Variants in FANCA observed in about 807,000 individuals in gnomAD.
FANCA encodes the protein Fanconi anemia group A protein.
FANCA carries 236 observed loss-of-function variants against 194.3 expected under a neutral mutation model. The observed-to-expected ratio is 1.21, with a 90% CI of 1.09 to 1.35. The LOEUF is 1.35. Ranked by LOEUF, FANCA falls within the 40% of genes most tolerant of loss-of-function variation. The pLI is 0.00. For missense variants in FANCA, 2,628 were observed against 1,813.9 expected (o/e 1.45, Z -8.15); for synonymous variants, 1,014 against 715.8 (o/e 1.42, Z -6.65).
intron 30 of FANCA, among the ~76,000 whole-genome samples, chr16:89,757,147 T>C (rs1382636050): frequency 6.6e-6 from 1 of 152,144 alleles, no homozygotes; most frequent in East Asian, 1.9e-4. Flanking sequence ...GGCTAATTTT[T>C]TTTTTTGTCT....
intron 36 of FANCA, among the ~76,000 whole-genome samples, chr16:89,743,837 C>G (rs2062187393): frequency 6.6e-6 from 1 of 152,020 alleles, no homozygotes; most frequent in Non-Finnish European, 1.5e-5. Context: ...CAAAACAAAA[C>G]AAAAAACAAA....
chr16:89,769,365 C>A (rs2039241867), intron 26 of FANCA, among the ~76,000 whole-genome samples: 1 of 152,190 alleles, frequency 6.6e-6, no homozygotes. Flanking sequence ...AGGCACTGAG[C>A]AGACCATTCT....
intron 30 of FANCA, among the ~76,000 whole-genome samples, chr16:89,754,319 G>C (rs2038701450): frequency 6.6e-6 from 1 of 151,932 alleles, no homozygotes; most frequent in Non-Finnish European, 1.5e-5. Context: ...AAAGCATCCA[G>C]ATAGGAAAGG....
intron 14 of FANCA, among the ~76,000 whole-genome samples, chr16:89,788,596 A>C (rs773415247): frequency 2.2e-4 from 33 of 152,214 alleles, no homozygotes; most frequent in Non-Finnish European, 4.0e-4. Context: ...CAGGAATCTG[A>C]GACCAGCCTG....
intron 20 of FANCA, chr16:89,778,464 T>TAAAA (rs56664732): frequency 4.8e-4 from 98 of 203,204 alleles, no homozygotes; most frequent in Middle Eastern, 2.0e-3. Context: ...AGACTCCATC[T>TAAAA]AAAAAAAAAA....
chr16:89,744,675 T>TTTGTTTTTTTTC, intron 36 of FANCA: 1 of 438,806 alleles, frequency 2.3e-6, no homozygotes, highest in Non-Finnish European at 4.2e-6. Flanking sequence ...GTTTTTTTTT[T>TTTGTTTTTTTTC]TGTTTTTTTT....
intron 31 of FANCA, among the ~76,000 whole-genome samples, chr16:89,750,344 A>G (rs550386465): frequency 2.0e-5 from 3 of 152,178 alleles, no homozygotes; most frequent in South Asian, 4.2e-4. Context: ...TTAGCTGGGC[A>G]TGGTGGCGGG....
At position 89,782,994 on chromosome 16, in the gene FANCA, A is replaced by T; in HGVS notation, c.1566+13T>A. 6.2e-7 allele frequency: 1 copy of T among 1,613,322 alleles called. No individual in the cohort carries two copies. On this transcript the variant is annotated intron_variant, in intron 16 of 42. Coordinates refer to ENST00000389301, the MANE Select transcript of FANCA (RefSeq NM_000135.4). ...GGACAGGTGTGAGGAGTGGGCATGG[A>T]GGGACAGCTTGCCTTGAGGTCGGCC...
Position 89,752,207 on chromosome 16 carries a change from G to A in FANCA, c.2997C>T (p.Asp999=), listed in dbSNP as rs1393198725. Residue 999 remains aspartate, a synonymous_variant, in exon 31 of 43, where the codon GAC becomes GAT. Coordinates refer to ENST00000389301, the MANE Select transcript of FANCA (RefSeq NM_000135.4). ...AGACCAAATCAGAATTTTCTGAGTGGTCATAACTCCTTGAGCTGAAATGAA... is the reference window on the plus strand; with the variant it reads ...AGACCAAATCAGAATTTTCTGAGTGATCATAACTCCTTGAGCTGAAATGAA... ...MDFHQSSRSY[D]HSENSDLVFG... 12 of 1,613,808 alleles carry A rather than the reference G, an allele frequency of 7.4e-6. No homozygotes were observed. Among genetic ancestry groups the A allele is most frequent in the South Asian group, 1.1e-5 (1 of 91,074 alleles).
chr16:89,744,241 G>T (rs931049162), intron 36 of FANCA, among the ~76,000 whole-genome samples: 1 of 152,200 alleles, frequency 6.6e-6, no homozygotes, highest in African/African-American at 2.4e-5. Flanking sequence ...ACCCTGAGGG[G>T]ACCCGGTGTG....
At chr16:89,812,203 G>T (rs1229242799) in intron 3 of FANCA, among the ~76,000 whole-genome samples, 1 of 151,744 alleles carries the variant, frequency 6.6e-6, no homozygotes, top group African/African-American at 2.4e-5. Context: ...GCCAGGTTTG[G>T]TGACGGGAGC....
chr16:89,816,627 C>CT lies in FANCA; in HGVS notation c.-13dup. Reference sequence around the variant, plus strand: ...CACGAGTCGGACATGGCCTTGGCGCCTACAGCCCCGGCGGCGGCTCCCTGC... The same window carrying CT: ...CACGAGTCGGACATGGCCTTGGCGCCTTACAGCCCCGGCGGCGGCTCCCTGC... On this transcript the variant is annotated 5_prime_UTR_variant, in exon 1 of 43. Transcript: ENST00000389301. The CT allele has an allele frequency of 6.6e-7, 1 of 1,519,924 alleles. No homozygotes were observed. Among genetic ancestry groups the CT allele is most frequent in the East Asian group, 2.6e-5 (1 of 38,920 alleles). 94.2% of individuals were successfully genotyped at this position (1,519,924 alleles called of 1,614,324 possible).
intron 18 of FANCA, 28 bp downstream of exon 18, chr16:89,779,841 T>C: frequency 1.2e-6 from 2 of 1,600,674 alleles, no homozygotes; most frequent in South Asian, 2.2e-5. Flanking sequence ...CTGCAGCTGC[T>C]AGAGGCCTTT....
intron 36 of FANCA, among the ~76,000 whole-genome samples, chr16:89,743,668 A>G (rs1266468066): frequency 6.6e-6 from 1 of 152,016 alleles, no homozygotes; most frequent in Non-Finnish European, 1.5e-5. Flanking sequence ...TACTAAAAAT[A>G]CAAAATTAGC....
chr16:89,779,144 G>C (rs983542327), intron 18 of FANCA, 141 bp from the exon 19 acceptor site: 16 of 815,344 alleles, frequency 2.0e-5, no homozygotes, highest in Admixed American at 6.0e-5. Flanking sequence ...CTTGTGCACA[G>C]TTCCGGGACA....
At chr16:89,797,464 T>C (rs946473277) in intron 10 of FANCA, among the ~76,000 whole-genome samples, 8 of 152,180 alleles carry the variant, frequency 5.3e-5, no homozygotes, top group Non-Finnish European at 1.2e-4. Context: ...GTGTGGGACA[T>C]CGTGGAGATT....
At chr16:89,810,614 C>T in intron 5 of FANCA, 93 bp downstream of exon 5, 1 of 847,362 alleles carries the variant, frequency 1.2e-6, no homozygotes, top group Non-Finnish European at 2.1e-6. Flanking sequence ...TTGGAGAATT[C>T]CCAAGAAAAC....
Position 89,737,583 on chromosome 16 carries a change from C to T in FANCA, c.*1018G>A. 1 of 761,258 alleles carries T rather than the reference C, an allele frequency of 1.3e-6. No individual in the cohort carries two copies. The highest frequency in any genetic ancestry group is 2.0e-6 in the Non-Finnish European group (1 of 511,276). The allele number at this position is 761,258 out of a possible 1,614,324, so 47.2% of individuals were successfully genotyped here. A position where few individuals can be genotyped will look rare whatever the true frequency, so the allele number is the denominator to read the frequency against. On this transcript the variant is annotated 3_prime_UTR_variant, in exon 43 of 43. Coordinates refer to ENST00000389301, the MANE Select transcript of FANCA (RefSeq NM_000135.4). The stretch of plus-strand genomic sequence containing the variant: ...TAGCTTTCTGAGGTTTCTTTAAAAA[C>T]CATCCTGAAATGCACACAGCTGATG...
rs1800333 is a variant in FANCA, at chr16:89,782,843, G to T, written c.1626+16C>A. On this transcript the variant is annotated intron_variant, in intron 17 of 42. Coordinates refer to ENST00000389301, the MANE Select transcript of FANCA (RefSeq NM_000135.4). ...GCGTGACTGGCTGAGACCCTGCAGGGCTCAAGCAACATTACCTCAGTAATG... is the reference window on the plus strand; with the variant it reads ...GCGTGACTGGCTGAGACCCTGCAGGTCTCAAGCAACATTACCTCAGTAATG... 9.9e-6 allele frequency: 16 copies of T among 1,611,234 alleles called. No individual in the cohort carries two copies. Among genetic ancestry groups the T allele is most frequent in the Admixed American group, 3.3e-5 (2 of 60,000 alleles).
Sources: allele counts gnomAD v4.1 joint callset (sites outside exome capture counted in the v4.1 genomes callset), GRCh38; gene constraint gnomAD v4.1.1; transcripts MANE v1.5; gene names NCBI Gene and HGNC (gene_info 2026-07-23, HGNC 2026-07-21).